Variants in MACROD2 observed in about 807,000 individuals in gnomAD.
MACROD2 encodes the protein ADP-ribose glycohydrolase MACROD2.
A neutral mutation model predicts 70.4 loss-of-function variants in MACROD2; 36 were observed. That is an observed-to-expected ratio of 0.51 (90% CI 0.39 to 0.68). The LOEUF is 0.68. Among genes scored for constraint, MACROD2 ranks in the 30% least tolerant of loss-of-function variants. The probability of loss-of-function intolerance (pLI) is 0.00; values close to 1 mark genes in which losing one functional copy is unlikely to be tolerated. For synonymous variants in MACROD2, 172 were observed against 178.8 expected (o/e 0.96, Z 0.30); for missense variants, 496 against 538.4 (o/e 0.92, Z 0.78).
At chr20:14,574,123 C>T (rs933656640) in intron 4 of MACROD2, among the ~76,000 whole-genome samples, 3 of 152,168 alleles carry the variant, frequency 2.0e-5, no homozygotes, top group Non-Finnish European at 2.9e-5. Context: ...AGTGCCGTTT[C>T]TCCATGGTGG....
At chr20:15,858,880 T>C (rs892859265) in intron 8 of MACROD2, among the ~76,000 whole-genome samples, 1 of 152,068 alleles carries the variant, frequency 6.6e-6, no homozygotes, top group Non-Finnish European at 1.5e-5. Context: ...ATTCAAGAGG[T>C]GGAATTACAG....
At chr20:14,527,742 C>A (rs1600343997) in intron 4 of MACROD2, among the ~76,000 whole-genome samples, 1 of 152,094 alleles carries the variant, frequency 6.6e-6, no homozygotes, top group Non-Finnish European at 1.5e-5. Context: ...TTCTTAGTGA[C>A]CTGTTAGACA....
chr20:15,752,959 T>C (rs1300224939), intron 8 of MACROD2, among the ~76,000 whole-genome samples: 1 of 152,188 alleles, frequency 6.6e-6, no homozygotes, highest in Non-Finnish European at 1.5e-5. Flanking sequence ...TATATGTGTG[T>C]ATATTTATAT....
intron 5 of MACROD2, among the ~76,000 whole-genome samples, chr20:14,990,693 T>C (rs2074895215): frequency 6.6e-6 from 1 of 151,960 alleles, no homozygotes; most frequent in Admixed American, 6.6e-5. Flanking sequence ...TTTGTATTTT[T>C]AGTAGAGGCG....
chr20:15,449,761 G>A (rs1469266340), intron 7 of MACROD2, among the ~76,000 whole-genome samples: 1 of 152,104 alleles, frequency 6.6e-6, no homozygotes, highest in African/African-American at 2.4e-5. Context: ...GGGAGGCCAA[G>A]GTGGGCGGAT....
chr20:15,341,007 A>C (rs1005075132), intron 6 of MACROD2, among the ~76,000 whole-genome samples: 2 of 152,134 alleles, frequency 1.3e-5, no homozygotes, highest in Admixed American at 1.3e-4. Context: ...CTTGGATTTT[A>C]AGTTTATAGT....
At position 16,041,208 on chromosome 20, in the gene MACROD2, C is replaced by T. The variant is rs777625542; in HGVS notation, c.1161C>T (p.Gly387=). The T allele has an allele frequency of 3.1e-5, 50 of 1,611,226 alleles. No individual in the cohort carries two copies. In the Middle Eastern group the frequency reaches 5.0e-4, roughly 16 times the overall value. The change falls in exon 16 of 18, where the codon GGC becomes GGT. Residue 387 remains glycine, a synonymous_variant. Coordinates refer to ENST00000684519, the MANE Select transcript of MACROD2 (RefSeq NM_001351661.2). The stretch of plus-strand genomic sequence containing the variant: ...GGTCTTTTTCTCTTCCAGCTCCAGG[C>T]GAGGACACACCTAGGATGCCTGGGA... ...QEEKEGEKAP[G]EDTPRMPGKS... is the part of the protein sequence containing the mutation.
chr20:16,003,789 G>A (rs57314846), intron 15 of MACROD2, among the ~76,000 whole-genome samples: 1,741 of 152,218 alleles, frequency 0.011, 30 homozygotes, highest in African/African-American at 0.039. Context: ...TCCTGCCTCA[G>A]CCTCCTGAGT....
chr20:14,469,016 A>G (rs1158187845), intron 3 of MACROD2, among the ~76,000 whole-genome samples: 3 of 152,124 alleles, frequency 2.0e-5, no homozygotes, highest in Non-Finnish European at 4.4e-5. Context: ...CAGTTTCTTC[A>G]TAGTATCGAT....
At chr20:15,825,164 T>C (rs1366578796) in intron 8 of MACROD2, among the ~76,000 whole-genome samples, 1 of 152,202 alleles carries the variant, frequency 6.6e-6, no homozygotes, top group Non-Finnish European at 1.5e-5. Context: ...TTTTTTGTCA[T>C]GCCCCCCACT....
chr20:15,195,824 T>G (rs1172115090), intron 5 of MACROD2, among the ~76,000 whole-genome samples: 1 of 152,064 alleles, frequency 6.6e-6, no homozygotes, highest in East Asian at 1.9e-4. Context: ...AGATATGGAA[T>G]CAACCCAAAT....
chr20:14,808,027 A>C (rs1273181839), intron 5 of MACROD2, among the ~76,000 whole-genome samples: 2 of 152,130 alleles, frequency 1.3e-5, no homozygotes, highest in African/African-American at 2.4e-5. Flanking sequence ...ACTTCAGGAT[A>C]TTATCCAGGA....
In MACROD2 at chr20:16,052,978, T is replaced by G. The variant is rs1428877369; in HGVS notation, c.*3102T>G. On this transcript the variant is annotated 3_prime_UTR_variant, in exon 18 of 18. Coordinates refer to ENST00000684519, the MANE Select transcript of MACROD2 (RefSeq NM_001351661.2). ...CTTAATGCAAATAAATGTAGTCTGT[T>G]GCTTGCAAGGAAAAAAAAATGGCTT... The G allele has an allele frequency of 6.6e-6, 1 of 152,098 alleles. No homozygotes were observed. Among genetic ancestry groups the G allele is most frequent in the African/African-American group, 2.4e-5 (1 of 40,960 alleles). 9.4% of individuals were successfully genotyped at this position (152,098 alleles called of 1,614,324 possible).
At chr20:15,247,938 T>C (rs2077121166) in intron 6 of MACROD2, among the ~76,000 whole-genome samples, 1 of 152,198 alleles carries the variant, frequency 6.6e-6, no homozygotes, top group African/African-American at 2.4e-5. Context: ...CCTCAGGTGA[T>C]CTGCCTGTCT....
At chr20:14,278,573 CG>C in intron 3 of MACROD2, among the ~76,000 whole-genome samples, 1 of 152,042 alleles carries the variant, frequency 6.6e-6, no homozygotes, top group Non-Finnish European at 1.5e-5. Context: ...ATTGGTTGTG[CG>C]AAAACATGTG....
At chr20:15,037,637 T>C (rs1395220455) in intron 5 of MACROD2, among the ~76,000 whole-genome samples, 2 of 146,792 alleles carry the variant, frequency 1.4e-5, no homozygotes, top group African/African-American at 2.7e-5. Context: ...TTCTCTCTCT[T>C]TAACACTACC....
At chr20:14,779,394 A>G (rs2072272305) in intron 5 of MACROD2, among the ~76,000 whole-genome samples, 1 of 152,088 alleles carries the variant, frequency 6.6e-6, no homozygotes, top group South Asian at 2.1e-4. Flanking sequence ...TATATTCACG[A>G]GCTAATCACA....
chr20:15,840,380 G>A (rs961614059), intron 8 of MACROD2, among the ~76,000 whole-genome samples: 1 of 152,196 alleles, frequency 6.6e-6, no homozygotes, highest in Non-Finnish European at 1.5e-5. Context: ...GACAACATGT[G>A]TGGTTGGTTG....
chr20:15,201,986 C>T (rs752618696), intron 5 of MACROD2, among the ~76,000 whole-genome samples: 3 of 151,994 alleles, frequency 2.0e-5, no homozygotes, highest in Non-Finnish European at 2.9e-5. Context: ...GGAAGGGGCA[C>T]CTATTTATTG....
Sources: gnomAD v4.1 joint callset for allele counts (sites outside exome capture counted in the v4.1 genomes callset) on GRCh38, gnomAD v4.1.1 for gene constraint, MANE v1.5 for transcripts, NCBI Gene and HGNC (gene_info 2026-07-23, HGNC 2026-07-21) for gene names.